PARVA: variants seen among roughly 807,000 people sequenced by gnomAD.
PARVA encodes alpha-parvin.
PARVA carries 25 observed loss-of-function variants against 52.6 expected under a neutral mutation model. The observed-to-expected ratio is 0.48, with a 90% CI of 0.35 to 0.66. The LOEUF (loss-of-function observed/expected upper bound fraction) is 0.66. Ranked by LOEUF, PARVA falls within the 30% of genes least tolerant of loss-of-function variation. PARVA has a pLI of 0.01. For missense variants in PARVA, 373 were observed against 450.9 expected (o/e 0.83, Z 1.56); for synonymous variants, 185 against 179.1 (o/e 1.03, Z -0.26).
chr11:12,415,096 A>C (rs1173263185), intron 1 of PARVA, among the ~76,000 whole-genome samples: 1 of 151,836 alleles, frequency 6.6e-6, no homozygotes, highest in Non-Finnish European at 1.5e-5. Context: ...GTGATGTGTT[A>C]ACAACAGGAA....
At chr11:12,393,044 G>GAAAAAAAAAAAAAAAAAAAA (rs60966710) in intron 1 of PARVA, among the ~76,000 whole-genome samples, 4 of 46,128 alleles carry the variant, frequency 8.7e-5, no homozygotes, top group African/African-American at 1.8e-4. Flanking sequence ...CCCAAATTGT[G>GAAAAAAAAAAAAAAAAAAAA]AAAAAAAAAA....
chr11:12,441,773 T>C (rs1005017878), intron 1 of PARVA, among the ~76,000 whole-genome samples: 2 of 152,228 alleles, frequency 1.3e-5, no homozygotes, highest in Non-Finnish European at 2.9e-5. Context: ...AACGACTATA[T>C]TTTAATGATT....
intron 1 of PARVA, among the ~76,000 whole-genome samples, chr11:12,470,369 A>G (rs1467230042): frequency 1.3e-5 from 2 of 152,212 alleles, no homozygotes; most frequent in Non-Finnish European, 2.9e-5. Context: ...TACTTTGCAT[A>G]TATTAACTCA....
chr11:12,401,524 C>G (rs1317927469), intron 1 of PARVA, among the ~76,000 whole-genome samples: 1 of 152,220 alleles, frequency 6.6e-6, no homozygotes, highest in Non-Finnish European at 1.5e-5. Flanking sequence ...ATGGAGCATG[C>G]TGGTGCCAGC....
intron 4 of PARVA, among the ~76,000 whole-genome samples, chr11:12,484,374 CAT>C (rs1340256162): frequency 6.6e-6 from 1 of 152,094 alleles, no homozygotes; most frequent in African/African-American, 2.4e-5. Context: ...AGATGAGAGT[CAT>C]AAGCTTCCAG....
chr11:12,429,284 AAAG>A (rs1940281645), intron 1 of PARVA, among the ~76,000 whole-genome samples: 1 of 152,130 alleles, frequency 6.6e-6, no homozygotes, highest in African/African-American at 2.4e-5. Context: ...CAAAGTTTTA[AAAG>A]AAGTACTAAC....
At chr11:12,402,468 A>G (rs1039240485) in intron 1 of PARVA, among the ~76,000 whole-genome samples, 12 of 152,168 alleles carry the variant, frequency 7.9e-5, no homozygotes, top group African/African-American at 2.9e-4. Flanking sequence ...TATGCAGTTA[A>G]TTTCCTTTTT....
At chr11:12,430,625 C>T (rs1940303177) in intron 1 of PARVA, among the ~76,000 whole-genome samples, 1 of 152,174 alleles carries the variant, frequency 6.6e-6, no homozygotes. Flanking sequence ...TTATTACTCA[C>T]ATGAATCATG....
chr11:12,410,939 A>C (rs900795898), intron 1 of PARVA, among the ~76,000 whole-genome samples: 1 of 152,210 alleles, frequency 6.6e-6, no homozygotes, highest in African/African-American at 2.4e-5. Flanking sequence ...CAAGCTGTCT[A>C]ACCTCGCCGT....
chr11:12,472,414 T>C (rs1564855812), intron 1 of PARVA, among the ~76,000 whole-genome samples: 1 of 152,182 alleles, frequency 6.6e-6, no homozygotes, highest in South Asian at 2.1e-4. Context: ...AAATAGTCGG[T>C]GTCTGTGAAT....
intron 1 of PARVA, among the ~76,000 whole-genome samples, chr11:12,424,711 G>A (rs1015379972): frequency 4.6e-5 from 7 of 152,052 alleles, no homozygotes; most frequent in Non-Finnish European, 7.4e-5. Context: ...CCAGATTTAC[G>A]TCTATAATCA....
chr11:12,526,340 G>C (rs1464514304), intron 12 of PARVA, among the ~76,000 whole-genome samples: 2 of 152,082 alleles, frequency 1.3e-5, no homozygotes, highest in Non-Finnish European at 2.9e-5. Context: ...CTAGAATCCT[G>C]ACACCTTCCC....
chr11:12,444,456 T>A (rs1940517227), intron 1 of PARVA, among the ~76,000 whole-genome samples: 1 of 152,096 alleles, frequency 6.6e-6, no homozygotes, highest in South Asian at 2.1e-4. Flanking sequence ...TCTTTTTTTT[T>A]TATAGAGATA....
At chr11:12,453,089 G>A (rs1940646059) in intron 1 of PARVA, 9 of 454,182 alleles carry the variant, frequency 2.0e-5, no homozygotes, top group South Asian at 1.4e-4. Context: ...TCTTTGTTGG[G>A]GGGGCGCCCT....
chr11:12,499,476 A>G (rs1452166835), intron 5 of PARVA, among the ~76,000 whole-genome samples: 1 of 150,300 alleles, frequency 6.7e-6, no homozygotes, highest in Non-Finnish European at 1.5e-5. Flanking sequence ...AATTTTCATT[A>G]TTGAAAATTT....
At chr11:12,482,179 G>GA (rs953340621) in intron 4 of PARVA, among the ~76,000 whole-genome samples, 78 of 146,260 alleles carry the variant, frequency 5.3e-4, no homozygotes, top group Middle Eastern at 3.6e-3. Flanking sequence ...AAAAGAAAAA[G>GA]AAAAAAAAAG....
chr11:12,521,136 TGAAGTCTGTA>T (rs1941631689), intron 12 of PARVA, among the ~76,000 whole-genome samples: 1 of 152,128 alleles, frequency 6.6e-6, no homozygotes, highest in Non-Finnish European at 1.5e-5. Flanking sequence ...CAGGCAGGAT[TGAAGTCTGTA>T]GGACTAAATA....
intron 5 of PARVA, among the ~76,000 whole-genome samples, chr11:12,501,461 G>T (rs1941362843): frequency 6.6e-6 from 1 of 152,094 alleles, no homozygotes; most frequent in African/African-American, 2.4e-5. Context: ...TTTGCAAGGA[G>T]AAACTCTAGC....
At chr11:12,382,642 C>CTG (rs1472707638) in intron 1 of PARVA, among the ~76,000 whole-genome samples, 1 of 152,114 alleles carries the variant, frequency 6.6e-6, no homozygotes, top group African/African-American at 2.4e-5. Flanking sequence ...GTCATCACTC[C>CTG]TGTGTTTTCA....
Sources: allele counts gnomAD v4.1 joint callset (sites outside exome capture counted in the v4.1 genomes callset), GRCh38; gene constraint gnomAD v4.1.1; transcripts MANE v1.5; gene names NCBI Gene and HGNC (gene_info 2026-07-23, HGNC 2026-07-21).